The following OTUD4 variants were observed in gnomAD, a reference collection of about 807,000 sequenced individuals.
The protein encoded by OTUD4 is OTU domain-containing protein 4.
Under a neutral mutation model 130.4 loss-of-function variants are expected in OTUD4, and 24 were observed. The observed-to-expected ratio is 0.18, with a 90% CI of 0.13 to 0.26. The LOEUF (loss-of-function observed/expected upper bound fraction) is 0.26. Among genes scored for constraint, OTUD4 ranks in the 10% least tolerant of loss-of-function variants. The pLI, the probability that OTUD4 is intolerant of heterozygous loss-of-function variation, is 1.00. For synonymous variants in OTUD4, 420 were observed against 472.5 expected, an observed-to-expected ratio of 0.89 and a Z score of 1.44; for missense variants, 1,031 against 1,329.4, an observed-to-expected ratio of 0.78 and a Z score of 3.49.
chr4:145,176,825 T>A (rs1246803151), intron 1 of OTUD4, among the ~76,000 whole-genome samples: 1 of 152,222 alleles, frequency 6.6e-6, no homozygotes, highest in African/African-American at 2.4e-5. Context: ...CCAAGGCTCA[T>A]TTATACCCAC....
At chr4:145,155,507 A>C (rs1238068221) in intron 9 of OTUD4, 32 bp from the exon 10 acceptor site, 8 of 1,602,040 alleles carry the variant, frequency 5.0e-6, no homozygotes, top group Non-Finnish European at 6.8e-6. Flanking sequence ...GTATAATATA[A>C]AGTTGACTTA....
At position 145,168,522 on chromosome 4, in the gene OTUD4, T is replaced by C. The variant is rs550805732; in HGVS notation, c.294+3148A>G. Among the ~76,000 whole-genome samples, 22 of 149,118 alleles carry C rather than the reference T, an allele frequency of 1.5e-4. No individual in the cohort carries two copies. In the South Asian group the frequency reaches 4.6e-3, roughly 31 times the overall value. On this transcript the variant is annotated intron_variant, in intron 3 of 20. Transcript: ENST00000447906. Reference sequence around the variant, plus strand: ...TATCCAGTATAAAGAACTAGTAAAATTCAGTAAGAACAACAGCAATTAAAA... The same window carrying C: ...TATCCAGTATAAAGAACTAGTAAAACTCAGTAAGAACAACAGCAATTAAAA...
intron 2 of OTUD4, among the ~76,000 whole-genome samples, chr4:145,172,197 C>T (rs1752204019): frequency 6.6e-6 from 1 of 152,200 alleles, no homozygotes; most frequent in African/African-American, 2.4e-5. Context: ...ATGAGAAAGG[C>T]CATTCAAGGC....
At chr4:145,160,482 T>C (rs1054637035) in intron 6 of OTUD4, among the ~76,000 whole-genome samples, 1 of 152,222 alleles carries the variant, frequency 6.6e-6, no homozygotes, top group African/African-American at 2.4e-5. Flanking sequence ...TTTGGTTTTA[T>C]AACAATGAGC....
In OTUD4 at chr4:145,137,776, G is replaced by T. The variant is rs757454437; in HGVS notation, c.2999C>A (p.Thr1000Asn). The change falls in exon 21 of 21, where the codon ACT (threonine) becomes AAT (asparagine). Residue 1000 changes from threonine to asparagine, a missense_variant. Physicochemically the swap from Thr to Asn is moderately conservative, Grantham distance 65. Transcript: ENST00000447906. ...CCCAGGGCTGACCACATCAGCAGCA[G>T]TCTTAGGATCTTTTACTTTTTCTGT... is the stretch of plus-strand genomic sequence containing the variant. ...EKTEKVKDPK[T>N]AADVVSPGAN... is the part of the protein sequence containing the mutation. 4.3e-6 allele frequency: 7 copies of T among 1,613,936 alleles called. No homozygotes were observed. The East Asian group carries it at 1.3e-4, about 31-fold the overall frequency.
chr4:145,134,449 C>T lies in OTUD4; in HGVS notation c.*2981G>A, dbSNP rs1177835405. 9 of 361,146 alleles carry T rather than the reference C, an allele frequency of 2.5e-5. No homozygotes were observed. Among genetic ancestry groups the T allele is most frequent in the Non-Finnish European group, 3.9e-5 (8 of 202,910 alleles). The allele number at this position is 361,146 out of a possible 1,614,324, so 22.4% of individuals were successfully genotyped here. On this transcript the variant is annotated 3_prime_UTR_variant, in exon 21 of 21. Transcript: ENST00000447906. ...CTAGGATGGCTGAATGTTTTCTAAA[C>T]CAGAAATGGTTAGAAAGGAACTTTA... is the stretch of plus-strand genomic sequence containing the variant.
chr4:145,163,936 G>A (rs941040156), intron 5 of OTUD4, among the ~76,000 whole-genome samples: 1 of 152,020 alleles, frequency 6.6e-6, no homozygotes, highest in Admixed American at 6.6e-5. Context: ...TCAAATTCCT[G>A]ACCTCAAGTG....
intron 7 of OTUD4, among the ~76,000 whole-genome samples, chr4:145,158,512 C>CAA (rs74576967): frequency 7.0e-6 from 1 of 141,874 alleles, no homozygotes; most frequent in Non-Finnish European, 1.6e-5. Context: ...CAAAAAAAAA[C>CAA]AAAAAAAAAA....
chr4:145,152,016 AT>A (rs1412688052), intron 11 of OTUD4, among the ~76,000 whole-genome samples: 1 of 152,250 alleles, frequency 6.6e-6, no homozygotes, highest in Non-Finnish European at 1.5e-5. Flanking sequence ...ACAATGGTAC[AT>A]TTTAAACAGT....
rs1751735655 is a variant in OTUD4 at position 145,164,246 on chromosome 4, ATTAT to A, written c.342-24_342-21del. ...TCTTTCCTGAAAATAACAATTAGAA[ATTAT>A]TTATAATGGACTATACTTCATGAAT... On this transcript the variant is annotated intron_variant, in intron 4 of 20. Coordinates refer to ENST00000447906, the MANE Select transcript of OTUD4 (RefSeq NM_001366057.1). 9.6e-7 allele frequency: 1 copy of A among 1,042,872 alleles called. No individual in the cohort carries two copies. The allele number at this position is 1,042,872 out of a possible 1,614,324, so 64.6% of individuals were successfully genotyped here.
intron 13 of OTUD4, among the ~76,000 whole-genome samples, chr4:145,147,425 T>C (rs923407733): frequency 4.6e-5 from 7 of 152,132 alleles, no homozygotes; most frequent in African/African-American, 1.7e-4. Flanking sequence ...CAAATCCCAG[T>C]GGTAAAAAAT....
intron 7 of OTUD4, chr4:145,159,266 T>C (rs1420517633): frequency 3.0e-6 from 4 of 1,314,160 alleles, no homozygotes; most frequent in South Asian, 1.7e-5. Flanking sequence ...TGCATCTAGA[T>C]TGCAGACGTA....
intron 13 of OTUD4, chr4:145,149,477 G>A (rs1420021872): frequency 6.6e-6 from 1 of 152,210 alleles, no homozygotes; most frequent in Admixed American, 6.5e-5. Context: ...GTCAGCTTAA[G>A]AAGCTATAAT....
chr4:145,145,746 C>G (rs1202017030), intron 14 of OTUD4, among the ~76,000 whole-genome samples: 1 of 152,100 alleles, frequency 6.6e-6, no homozygotes, highest in East Asian at 1.9e-4. Flanking sequence ...TTCTGACTTC[C>G]CAAAAAGAAT....
At chr4:145,141,769 C>CT in intron 18 of OTUD4, 130 bp from the exon 19 acceptor site, 1 of 730,622 alleles carries the variant, frequency 1.4e-6, no homozygotes, top group Non-Finnish European at 2.1e-6. Context: ...TAGTATCAAC[C>CT]AAGAGCCCTC....
chr4:145,134,691 A>G lies in OTUD4; in HGVS notation c.*2739T>C, dbSNP rs941410544. 4.8e-5 allele frequency: 19 copies of G among 398,816 alleles called. No homozygotes were observed. Among genetic ancestry groups the G allele is most frequent in the Non-Finnish European group, 8.0e-5 (18 of 225,980 alleles). The allele number at this position is 398,816 out of a possible 1,614,324, so 24.7% of individuals were successfully genotyped here. A position where few individuals can be genotyped will look rare whatever the true frequency, so the allele number is the denominator to read the frequency against. On this transcript the variant is annotated 3_prime_UTR_variant, in exon 21 of 21. Coordinates refer to ENST00000447906, the MANE Select transcript of OTUD4 (RefSeq NM_001366057.1). ...TTGTGGGTTATCAGTAAACAGTATGAGGACTACACAGATGCCAGCATCCTG... is the reference window on the plus strand; with the variant it reads ...TTGTGGGTTATCAGTAAACAGTATGGGGACTACACAGATGCCAGCATCCTG...
At position 145,137,242 on chromosome 4, in the gene OTUD4, T is replaced by C; in HGVS notation, c.*188A>G. ...GATTCTGAATGAAGAAAACTGGCAA[T>C]GCCAGGAATTAACCTGCCCCCTTGA... is the stretch of plus-strand genomic sequence containing the variant. On this transcript the variant is annotated 3_prime_UTR_variant, in exon 21 of 21. Transcript: ENST00000447906. 2 of 470,372 alleles carry C rather than the reference T, an allele frequency of 4.3e-6. No individual in the cohort carries two copies. The highest frequency in any genetic ancestry group is 7.5e-6 in the Non-Finnish European group (2 of 268,004). The allele number at this position is 470,372 out of a possible 1,614,324, so 29.1% of individuals were successfully genotyped here.
In OTUD4 at chr4:145,134,469, A is replaced by G. The variant is rs1180727830; in HGVS notation, c.*2961T>C. 1 of 379,246 alleles carries G rather than the reference A, an allele frequency of 2.6e-6. No individual in the cohort carries two copies. Among genetic ancestry groups the G allele is most frequent in the African/African-American group, 2.1e-5 (1 of 48,254 alleles). 23.5% of individuals were successfully genotyped at this position (379,246 alleles called of 1,614,324 possible). On this transcript the variant is annotated 3_prime_UTR_variant, in exon 21 of 21. Coordinates refer to ENST00000447906, the MANE Select transcript of OTUD4 (RefSeq NM_001366057.1). ...CTAAACCAGAAATGGTTAGAAAGGA[A>G]CTTTATTGCACCAAGTCAATCATAA...
intron 3 of OTUD4, among the ~76,000 whole-genome samples, chr4:145,168,010 A>G (rs2126796901): frequency 6.6e-6 from 1 of 152,272 alleles, no homozygotes; most frequent in East Asian, 1.9e-4. Context: ...AAGCAGTGTC[A>G]GTATTAAATT....
Sources: gnomAD v4.1 joint callset for allele counts (sites outside exome capture counted in the v4.1 genomes callset) on GRCh38, gnomAD v4.1.1 for gene constraint, MANE v1.5 for transcripts, NCBI Gene and HGNC (gene_info 2026-07-23, HGNC 2026-07-21) for gene names.